ABCD2: variants seen among roughly 807,000 people sequenced by gnomAD.
The protein encoded by ABCD2 is ATP binding cassette subfamily D member 2, also known as ATP-binding cassette sub-family D member 2.
A neutral mutation model predicts 70.9 loss-of-function variants in ABCD2; 36 were observed. That is an observed-to-expected ratio of 0.51 (90% confidence interval 0.39 to 0.67). The LOEUF is 0.67. ABCD2 is among the 30% of genes least tolerant of loss of function. The pLI is 0.00. For synonymous variants in ABCD2, 304 were observed against 306.9 expected (o/e 0.99, Z 0.10); for missense variants, 729 against 890.2 (o/e 0.82, Z 2.30).
Position 39,579,551 on chromosome 12 carries a change from G to A in ABCD2, c.1861C>T (p.Arg621Cys). 1.9e-6 allele frequency: 3 copies of A among 1,612,576 alleles called. No homozygotes were observed. Among genetic ancestry groups the A allele is most frequent in the African/African-American group, 1.3e-5 (1 of 74,992 alleles). The change falls in exon 8 of 10, where the codon CGT becomes TGT. Residue 621 changes from arginine to cysteine, a missense_variant. Arg to Cys is a radical substitution (Grantham distance 180). Transcript: ENST00000308666. Reference sequence around the variant, plus strand: ...TATACTTACTTATGATAAAACATACGAGCCATGCCCATTCTTTGCTTTTCC... The same window carrying A: ...TATACTTACTTATGATAAAACATACAAGCCATGCCCATTCTTTGCTTTTCC... ...GGEKQRMGMA[R>C]MFYHKPKYAL...
chr12:39,613,318 G>A (rs1479648329), intron 2 of ABCD2, among the ~76,000 whole-genome samples: 1 of 86,188 alleles, frequency 1.2e-5, no homozygotes, highest in East Asian at 2.9e-4. Flanking sequence ...CCCGGGAGGC[G>A]GAGCTTGCAG....
chr12:39,531,118 A>G, the ABCD2 span, among the ~76,000 whole-genome samples: 1 of 152,198 alleles, frequency 6.6e-6, no homozygotes, highest in Non-Finnish European at 1.5e-5. Context: ...ATATAGGGAT[A>G]CCGCCGTGAA....
chr12:39,595,319 T>G (rs554047810), intron 6 of ABCD2, among the ~76,000 whole-genome samples: 1 of 152,308 alleles, frequency 6.6e-6, no homozygotes, highest in South Asian at 2.1e-4. Flanking sequence ...ATTCAAAGAC[T>G]TGGTATAGTC....
At chr12:39,574,851 G>T (rs1189357742) in intron 8 of ABCD2, among the ~76,000 whole-genome samples, 1 of 152,054 alleles carries the variant, frequency 6.6e-6, no homozygotes, top group African/African-American at 2.4e-5. Flanking sequence ...TCCTAAAATC[G>T]ATTTGCTTAT....
intron 3 of ABCD2, among the ~76,000 whole-genome samples, chr12:39,605,758 T>C (rs1313021194): frequency 2.0e-5 from 3 of 152,134 alleles, no homozygotes; most frequent in African/African-American, 7.2e-5. Context: ...GAACTAAGGA[T>C]AGTTCTTGCA....
chr12:39,581,998 T>C (rs1403653063), intron 7 of ABCD2, among the ~76,000 whole-genome samples: 1 of 152,254 alleles, frequency 6.6e-6, no homozygotes, highest in African/African-American at 2.4e-5. Context: ...ATGTAGTTTT[T>C]AATTCCATTT....
chr12:39,617,242 G>A, intron 1 of ABCD2, 74 bp from the exon 2 acceptor site: 2 of 962,144 alleles, frequency 2.1e-6, no homozygotes, highest in East Asian at 3.0e-5. Flanking sequence ...TTTTAGTATG[G>A]CATTATCTAT....
At chr12:39,571,766 G>C (rs1941452049) in intron 9 of ABCD2, among the ~76,000 whole-genome samples, 1 of 152,118 alleles carries the variant, frequency 6.6e-6, no homozygotes, top group South Asian at 2.1e-4. Context: ...TGGTTATACA[G>C]CTATAATTCT....
intron 6 of ABCD2, among the ~76,000 whole-genome samples, chr12:39,596,037 TG>T (rs1189029229): frequency 6.6e-6 from 1 of 152,178 alleles, no homozygotes; most frequent in African/African-American, 2.4e-5. Flanking sequence ...TTCTTATTAG[TG>T]GGGATGAGTC....
At chr12:39,591,296 A>G (rs545056647) in intron 6 of ABCD2, among the ~76,000 whole-genome samples, 1 of 152,332 alleles carries the variant, frequency 6.6e-6, no homozygotes, top group Non-Finnish European at 1.5e-5. Context: ...AGAAATATTC[A>G]AGTGAAAATA....
At chr12:39,538,595 T>C in the ABCD2 span, among the ~76,000 whole-genome samples, 1 of 151,938 alleles carries the variant, frequency 6.6e-6, no homozygotes, top group Admixed American at 6.6e-5. Flanking sequence ...ACACTGATAC[T>C]TGATTTTGCC....
intron 9 of ABCD2, among the ~76,000 whole-genome samples, chr12:39,556,391 G>A (rs1941165938): frequency 6.6e-6 from 1 of 152,106 alleles, no homozygotes; most frequent in Non-Finnish European, 1.5e-5. Flanking sequence ...TCATGGGGGT[G>A]GTTTTCCCCA....
At chr12:39,582,730 C>T (rs1941612943) in intron 7 of ABCD2, among the ~76,000 whole-genome samples, 1 of 152,004 alleles carries the variant, frequency 6.6e-6, no homozygotes, top group Non-Finnish European at 1.5e-5. Context: ...TCTTGCCTGC[C>T]TTATTTGTTT....
chr12:39,564,251 A>C (rs1393678834), intron 9 of ABCD2, among the ~76,000 whole-genome samples: 8 of 152,208 alleles, frequency 5.3e-5, no homozygotes, highest in African/African-American at 1.7e-4. Context: ...CCAACAGTGT[A>C]AAAGTGTTCC....
rs543414768 is a variant in ABCD2 at position 39,560,078 on chromosome 12, G to A, written c.2004-5947C>T. 1.8e-3 allele frequency among the ~76,000 whole-genome samples: 273 copies of A among 152,170 alleles called. 1 individual carries two copies. The highest frequency in any genetic ancestry group is 5.8e-3 in the African/African-American group (240 of 41,504). On this transcript the variant is annotated intron_variant, in intron 9 of 9. Transcript: ENST00000308666. ...CACAATGTGCAGGTTTGTTACATAC[G>A]TATACGTGTGCCATGTTGGTGTGCT...
the ABCD2 span, among the ~76,000 whole-genome samples, chr12:39,531,653 C>T: frequency 6.6e-6 from 1 of 152,234 alleles, no homozygotes; most frequent in Admixed American, 6.5e-5. Context: ...CTTCATTCCT[C>T]TCTTTGATCA....
chr12:39,598,821 C>T (rs962742625), intron 6 of ABCD2, among the ~76,000 whole-genome samples: 7 of 151,952 alleles, frequency 4.6e-5, no homozygotes, highest in Non-Finnish European at 1.0e-4. Context: ...TAAATTTACT[C>T]GAAAAAATAG....
the ABCD2 span, among the ~76,000 whole-genome samples, chr12:39,532,985 C>T: frequency 6.6e-6 from 1 of 151,768 alleles, no homozygotes; most frequent in Non-Finnish European, 1.5e-5. Flanking sequence ...TGGCAAATCC[C>T]CGTCTCTACT....
intron 2 of ABCD2, among the ~76,000 whole-genome samples, chr12:39,610,658 C>T (rs1297323319): frequency 1.3e-5 from 2 of 152,128 alleles, no homozygotes; most frequent in East Asian, 3.9e-4. Context: ...GAGGAAAAAA[C>T]ATTTGCACAG....
Sources: allele counts gnomAD v4.1 joint callset (sites outside exome capture counted in the v4.1 genomes callset), GRCh38; gene constraint gnomAD v4.1.1; transcripts MANE v1.5; gene names NCBI Gene and HGNC (gene_info 2026-07-23, HGNC 2026-07-21).